PCP2: variants seen among roughly 807,000 people sequenced by gnomAD.
PCP2 encodes the protein Purkinje cell protein 2 homolog.
A neutral mutation model predicts 18.3 loss-of-function variants in PCP2; 21 were observed. The observed-to-expected ratio is 1.14, with a 90% confidence interval of 0.81 to 1.65. The LOEUF is 1.65. Among genes scored for constraint, PCP2 ranks in the 40% most tolerant of loss-of-function variants. The probability of loss-of-function intolerance (pLI) is 0.00; values close to 1 mark genes in which losing one functional copy is unlikely to be tolerated. For synonymous variants in PCP2, 85 were observed against 77.6 expected (o/e 1.10, Z -0.50); for missense variants, 202 against 201.8 (o/e 1.00, Z 0.00).
chr19:7,632,280 A>T lies in PCP2; in HGVS notation c.291+113T>A. 1 of 1,484,896 alleles carries T rather than the reference A, an allele frequency of 6.7e-7. No individual in the cohort carries two copies. The highest frequency in any genetic ancestry group is 1.4e-5 in the African/African-American group (1 of 72,534). 92.0% of individuals were successfully genotyped at this position (1,484,896 alleles called of 1,614,324 possible). ...TGGTCCTCCCATCTGAAGTCAGGGC[A>T]GCGGATGGACAGAGATGGGGCAGGC... On this transcript the variant is annotated intron_variant, in intron 3 of 3. Coordinates refer to ENST00000311069, the MANE Select transcript of PCP2 (RefSeq NM_174895.3). The surrounding 1 kb of genome is among the most constrained non-coding windows in gnomAD (Gnocchi z 5.2).
At chr19:7,633,319 G>T in intron 1 of PCP2, 88 bp downstream of exon 1, 1 of 1,318,010 alleles carries the variant, frequency 7.6e-7, no homozygotes, top group Non-Finnish European at 1.1e-6. Context: ...AGACTCACTC[G>T]TTAATTAGGT....
Position 7,632,189 on chromosome 19 carries a change from G to T in PCP2, c.291+204C>A. ...TTGGGGGCAGGAGCCACAAGTTCCA[G>T]CCATGGGTCTTACACTAGCATGGCC... On this transcript the variant is annotated intron_variant, in intron 3 of 3. Coordinates refer to ENST00000311069, the MANE Select transcript of PCP2 (RefSeq NM_174895.3). The surrounding 1 kb of genome is among the most constrained non-coding windows in gnomAD (Gnocchi z 5.2). 1.3e-6 allele frequency: 1 copy of T among 798,844 alleles called. No homozygotes were observed. The highest frequency in any genetic ancestry group is 1.9e-6 in the Non-Finnish European group (1 of 522,764). 49.5% of individuals were successfully genotyped at this position (798,844 alleles called of 1,614,324 possible).
In PCP2 at chr19:7,632,976, G is replaced by T. The variant is rs1478096411; in HGVS notation, c.52-146C>A. 2.1e-6 allele frequency: 3 copies of T among 1,454,714 alleles called. No homozygotes were observed. Among genetic ancestry groups the T allele is most frequent in the Non-Finnish European group, 2.7e-6 (3 of 1,107,018 alleles). 90.1% of individuals were successfully genotyped at this position (1,454,714 alleles called of 1,614,324 possible). A position where few individuals can be genotyped will look rare whatever the true frequency, so the allele number is the denominator to read the frequency against. On this transcript the variant is annotated intron_variant, in intron 1 of 3. Coordinates refer to ENST00000311069, the MANE Select transcript of PCP2 (RefSeq NM_174895.3). The surrounding 1 kb of genome is among the most constrained non-coding windows in gnomAD (Gnocchi z 5.2). ...ACCATGGTCCCCGCCGATCCTCTCT[G>T]CAGAGCTGTTCTGAATGAGACATGA...
Position 7,632,531 on chromosome 19 carries a change from C to T in PCP2, c.167-14G>A. ...TGGGGTCGCTCTCTGCGTGGACGTT[C>T]ACAGACTTGGGAGGACACAGCCGGA... is the stretch of plus-strand genomic sequence containing the variant. On this transcript the variant is annotated splice_polypyrimidine_tract_variant and intron_variant, in intron 2 of 3. Coordinates refer to ENST00000311069, the MANE Select transcript of PCP2 (RefSeq NM_174895.3). This position sits in a 1 kb window ranked among gnomAD's most constrained non-coding sequence, Gnocchi z 5.2. 3 of 1,612,194 alleles carry T rather than the reference C, an allele frequency of 1.9e-6. No homozygotes were observed. The highest frequency in any genetic ancestry group is 2.5e-6 in the Non-Finnish European group (3 of 1,179,692).
At position 7,631,785 on chromosome 19, in the gene PCP2, C is replaced by T. The variant is rs150093748; in HGVS notation, c.315G>A (p.Gly105=). The change falls in exon 4 of 4, where the codon GGG becomes GGA. Residue 105 remains glycine, a synonymous_variant. Transcript: ENST00000311069. ...GSKDGAQKRA[G]TLSPQPLLTP... ...TGAGCAGGGGTTGGGGACTGAGGGT[C>T]CCAGCTCGTTTCTGTGCTCCGTCCT... The T allele has an allele frequency of 1.4e-6, 2 of 1,416,918 alleles. No homozygotes were observed. Among genetic ancestry groups the T allele is most frequent in the Admixed American group, 5.4e-5 (2 of 36,966 alleles). 87.8% of individuals were successfully genotyped at this position (1,416,918 alleles called of 1,614,324 possible). A position where few individuals can be genotyped will look rare whatever the true frequency, so the allele number is the denominator to read the frequency against.
upstream of PCP2, among the ~76,000 whole-genome samples, chr19:7,634,719 C>G (rs1011929379): frequency 6.6e-6 from 1 of 152,184 alleles, no homozygotes; most frequent in Non-Finnish European, 1.5e-5. Flanking sequence ...CCAGAGGCCA[C>G]AGCCTGAAAT....
At chr19:7,634,465 TA>T (rs1179028269), upstream of PCP2, among the ~76,000 whole-genome samples, 4 of 152,232 alleles carry the variant, frequency 2.6e-5, no homozygotes, top group Non-Finnish European at 5.9e-5. Flanking sequence ...TCAGTACGTG[TA>T]TCCCTTTCCT....
At chr19:7,634,962 A>G (rs1301966096), upstream of PCP2, among the ~76,000 whole-genome samples, 2 of 152,172 alleles carry the variant, frequency 1.3e-5, no homozygotes, top group African/African-American at 4.8e-5. Flanking sequence ...ACATATAACT[A>G]TCTTACAAGG....
upstream of PCP2, among the ~76,000 whole-genome samples, chr19:7,635,505 G>A (rs1261375445): frequency 6.6e-6 from 1 of 152,106 alleles, no homozygotes; most frequent in Non-Finnish European, 1.5e-5. Flanking sequence ...TACCAGCCTG[G>A]GCAACATAGG....
upstream of PCP2, among the ~76,000 whole-genome samples, chr19:7,634,730 G>T (rs1270863260): frequency 3.9e-5 from 6 of 152,158 alleles, no homozygotes; most frequent in Non-Finnish European, 5.9e-5. Flanking sequence ...AGCCTGAAAT[G>T]AAGGTGTTGG....
chr19:7,635,338 C>T (rs951272098), upstream of PCP2, among the ~76,000 whole-genome samples: 9 of 152,246 alleles, frequency 5.9e-5, no homozygotes, highest in African/African-American at 2.2e-4. Flanking sequence ...AAGCCATTGA[C>T]TTACGCACCT....
chr19:7,633,795 CAG>C (rs1347456250), upstream of PCP2: 16 of 349,630 alleles, frequency 4.6e-5, no homozygotes, highest in Non-Finnish European at 1.1e-5. Flanking sequence ...GGGAGGCCAA[CAG>C]TGTAGGGTGG....
intron 3 of PCP2, 66 bp from the exon 4 acceptor site, chr19:7,631,874 A>G: frequency 7.4e-7 from 1 of 1,359,190 alleles, no homozygotes. Flanking sequence ...GGTGGCGAAC[A>G]ATGGAGAGAG....
Position 7,632,169 on chromosome 19 carries a change from G to A in PCP2, c.291+224C>T, listed in dbSNP as rs891268027. ...CCTCCCCAGAACCTTCAGACTTGGG[G>A]GCAGGAGCCACAAGTTCCAGCCATG... On this transcript the variant is annotated intron_variant, in intron 3 of 3. Coordinates refer to ENST00000311069, the MANE Select transcript of PCP2 (RefSeq NM_174895.3). This position sits in a 1 kb window ranked among gnomAD's most constrained non-coding sequence, Gnocchi z 5.2. The A allele has an allele frequency of 1.9e-5, 13 of 700,090 alleles. No individual in the cohort carries two copies. Among genetic ancestry groups the A allele is most frequent in the Non-Finnish European group, 2.8e-5 (12 of 434,066 alleles). The allele number at this position is 700,090 out of a possible 1,614,324, so 43.4% of individuals were successfully genotyped here.
chr19:7,636,491 A>G (rs1394823752), upstream of PCP2: 1 of 151,850 alleles, frequency 6.6e-6, no homozygotes, highest in Non-Finnish European at 1.5e-5. Context: ...GGCTGTGACA[A>G]ATGCCCCCTG....
rs921408428 is a variant in PCP2 at position 7,632,632 on chromosome 19, C to T, written c.166+84G>A. On this transcript the variant is annotated intron_variant, in intron 2 of 3. Coordinates refer to ENST00000311069, the MANE Select transcript of PCP2 (RefSeq NM_174895.3). The surrounding 1 kb of genome is among the most constrained non-coding windows in gnomAD (Gnocchi z 5.2). ...GCACAACCACCTCCCACATCCCGTG[C>T]CCCCAGGCCCTCCAGATGACCACTT... 2.7e-5 allele frequency: 42 copies of T among 1,573,632 alleles called. No individual in the cohort carries two copies. The highest frequency in any genetic ancestry group is 3.4e-5 in the Non-Finnish European group (40 of 1,161,734).
At position 7,632,822 on chromosome 19, in the gene PCP2, G is replaced by A. The variant is rs940256441; in HGVS notation, c.60C>T (p.Ser20=). The A allele has an allele frequency of 1.9e-6, 3 of 1,551,996 alleles. No homozygotes were observed. Among genetic ancestry groups the A allele is most frequent in the Admixed American group, 1.9e-5 (1 of 52,108 alleles). ...GATTGAAGAAGCCCTCCTGGTCTGGGGAGCCCGCCTGGGGACAGACTCGCT... is the reference window on the plus strand; with the variant it reads ...GATTGAAGAAGCCCTCCTGGTCTGGAGAGCCCGCCTGGGGACAGACTCGCT... ...EGSGPCAEAG[S]PDQEGFFNLL... is the part of the protein sequence containing the mutation. The change falls in exon 2 of 4, where the codon TCC becomes TCT. Residue 20 remains serine, a synonymous_variant. Transcript: ENST00000311069. The surrounding 1 kb of genome is among the most constrained non-coding windows in gnomAD (Gnocchi z 5.2).
intron 1 of PCP2, 174 bp from the exon 2 acceptor site, chr19:7,633,004 C>G: frequency 7.0e-7 from 1 of 1,434,146 alleles, no homozygotes; most frequent in South Asian, 1.5e-5. Flanking sequence ...AGACATGAGT[C>G]TCCTTCCCAA....
rs1344543919 is a variant in PCP2, at chr19:7,632,935, C to G, written c.52-105G>C. 2.7e-6 allele frequency: 4 copies of G among 1,491,594 alleles called. No individual in the cohort carries two copies. Among genetic ancestry groups the G allele is most frequent in the African/African-American group, 2.8e-5 (2 of 72,150 alleles). The allele number at this position is 1,491,594 out of a possible 1,614,324, so 92.4% of individuals were successfully genotyped here. A position where few individuals can be genotyped will look rare whatever the true frequency, so the allele number is the denominator to read the frequency against. Reference sequence around the variant, plus strand: ...CCCTGACCCCGGGGCCTGCCGTCCCCACTTCCTCAGCTCTCACCATGGTCC... The same window carrying G: ...CCCTGACCCCGGGGCCTGCCGTCCCGACTTCCTCAGCTCTCACCATGGTCC... On this transcript the variant is annotated intron_variant, in intron 1 of 3. Transcript: ENST00000311069. This position sits in a 1 kb window ranked among gnomAD's most constrained non-coding sequence, Gnocchi z 5.2.
Sources: allele counts gnomAD v4.1 joint callset (sites outside exome capture counted in the v4.1 genomes callset), GRCh38; gene constraint gnomAD v4.1.1; non-coding constraint Gnocchi (gnomAD v3.1); transcripts MANE v1.5; gene names NCBI Gene and HGNC (gene_info 2026-07-23, HGNC 2026-07-21).